APOB: variants seen among roughly 807,000 people sequenced by gnomAD.
APOB encodes apolipoprotein B.
APOB carries 153 observed loss-of-function variants against 314.1 expected under a neutral mutation model. That is an observed-to-expected ratio of 0.49 (90% CI 0.43 to 0.56). The LOEUF is 0.56. APOB is among the 20% of genes least tolerant of loss of function. APOB has a pLI of 0.00. For synonymous variants in APOB, 2,087 were observed against 2,036.4 expected (o/e 1.02, Z -0.67); for missense variants, 5,430 against 5,350.7 (o/e 1.01, Z -0.46).
intron 10 of APOB, 65 bp from the exon 11 acceptor site, chr2:21,030,080 C>T (rs778360196): frequency 1.5e-5 from 15 of 972,630 alleles, no homozygotes; most frequent in Non-Finnish European, 2.3e-5. Flanking sequence ...AAAACCCAAA[C>T]TTGTGAATTA....
chr2:21,024,984 C>A lies in APOB; in HGVS notation c.2385G>T (p.Leu795=). Reference sequence around the variant, plus strand: ...GGGCACCCATCAGAAGCAGCTTTCCCAGGAGCTGGAGGTCATGGAGACTGG... The same window carrying A: ...GGGCACCCATCAGAAGCAGCTTTCCAAGGAGCTGGAGGTCATGGAGACTGG... ...GFASLHDLQL[L]GKLLLMGART... Residue 795 remains leucine (L), a synonymous_variant, in exon 16 of 29, where the codon CTG becomes CTT. Coordinates refer to ENST00000233242, the MANE Select transcript of APOB (RefSeq NM_000384.3). 2.5e-6 allele frequency: 4 copies of A among 1,614,176 alleles called. No individual in the cohort carries two copies. Among genetic ancestry groups the A allele is most frequent in the Non-Finnish European group, 3.4e-6 (4 of 1,180,032 alleles).
At chr2:21,027,560 G>T (rs773904764) in intron 14 of APOB, among the ~76,000 whole-genome samples, 1 of 151,992 alleles carries the variant, frequency 6.6e-6, no homozygotes, top group Non-Finnish European at 1.5e-5. Context: ...TGATCCACCC[G>T]CCTCGGCCTC....
intron 25 of APOB, 147 bp downstream of exon 25, chr2:21,013,013 C>A (rs1663369692): frequency 1.1e-6 from 1 of 949,236 alleles, no homozygotes; most frequent in Admixed American, 2.4e-5. Context: ...ATAAATATTT[C>A]TATTTGTTGA....
rs780537483 is a variant in APOB, at chr2:21,022,972, G to A, written c.2675C>T (p.Pro892Leu). 56 of 1,614,036 alleles carry A rather than the reference G, an allele frequency of 3.5e-5. No individual in the cohort carries two copies. The highest frequency in any genetic ancestry group is 1.0e-4 in the Admixed American group (6 of 59,992). The part of the protein sequence containing the change: ...EFVTNMGIII[P>L]DFARSGVQMN... ...CTGGACCCCACTCCTAGCGAAGTCC[G>A]GAATGATGATGCCCATATTTGTCAC... The change falls in exon 18 of 29, where the codon CCG becomes CTG. Residue 892 changes from proline to leucine, a missense_variant. This residue lies in a region of APOB where 2,085 missense variants were observed against 2,079.7 expected (regional missense o/e 1.00). Coordinates refer to ENST00000233242, the MANE Select transcript of APOB (RefSeq NM_000384.3).
At chr2:21,022,003 T>C (rs1663617952) in intron 18 of APOB, among the ~76,000 whole-genome samples, 1 of 152,224 alleles carries the variant, frequency 6.6e-6, no homozygotes, top group Non-Finnish European at 1.5e-5. Context: ...TCTCCCAGGC[T>C]GGAGTGCAGT....
rs1060499841 is a variant in APOB at position 21,043,910 on chromosome 2, CA to C, written c.35del (p.Leu12ArgfsTer81). 3 of 682,770 alleles carry C rather than the reference CA, an allele frequency of 4.4e-6. No homozygotes were observed. The highest frequency in any genetic ancestry group is 4.1e-6 in the Non-Finnish European group (2 of 487,742). The allele number at this position is 682,770 out of a possible 1,614,324, so 42.3% of individuals were successfully genotyped here. A position where few individuals can be genotyped will look rare whatever the true frequency, so the allele number is the denominator to read the frequency against. ...GCAGCAGCAGCAGCGCAGGCAGCGCCAGCAGCGCCAGCAGCGCGGGCCTCGG... is the reference window on the plus strand; with the variant it reads ...GCAGCAGCAGCAGCGCAGGCAGCGCCGCAGCGCCAGCAGCGCGGGCCTCGG... ...DPPRPALLAL[L>X]ALPALLLLLL... On this transcript the variant is annotated frameshift_variant, in exon 1 of 29. Coordinates refer to ENST00000233242, the MANE Select transcript of APOB (RefSeq NM_000384.3). LOFTEE classifies it high-confidence loss of function.
chr2:21,010,107 G>C lies in APOB; in HGVS notation c.6761C>G (p.Thr2254Ser). 1 of 1,612,600 alleles carries C rather than the reference G, an allele frequency of 6.2e-7. No homozygotes were observed. Among genetic ancestry groups the C allele is most frequent in the Non-Finnish European group, 8.5e-7 (1 of 1,179,440 alleles). Residue 2254 changes from threonine to serine, a missense_variant, in exon 26 of 29, where the codon ACT becomes AGT. Thr to Ser is a moderately conservative substitution (Grantham distance 58). This residue lies in a region of APOB where 3,281 missense variants were observed against 3,171.0 expected (regional missense o/e 1.03). Transcript: ENST00000233242. ...TATCTGGATTCTGATTTGGTACTTAGTATCCACATTTTGAATCCAGGATGC... is the reference window on the plus strand; with the variant it reads ...TATCTGGATTCTGATTTGGTACTTACTATCCACATTTTGAATCCAGGATGC... ...STASWIQNVD[T>S]KYQIRIQIQE... is the part of the protein sequence containing the mutation.
intron 1 of APOB, 22 bp downstream of exon 1, chr2:21,043,842 C>A (rs755979791): frequency 2.1e-5 from 32 of 1,530,240 alleles, no homozygotes; most frequent in Non-Finnish European, 2.5e-5. Context: ...CCTCTGCGCC[C>A]GCAGAGCGGC....
intron 17 of APOB, 138 bp downstream of exon 17, chr2:21,023,387 T>C: frequency 3.8e-6 from 4 of 1,060,102 alleles, no homozygotes; most frequent in South Asian, 1.4e-5. Flanking sequence ...AAGTTTTTCA[T>C]AAAAAAATAA....
Position 21,012,658 on chromosome 2 carries a change from TA to T in APOB, c.4217-8del. The T allele has an allele frequency of 6.2e-7, 1 of 1,609,744 alleles. No individual in the cohort carries two copies. Among genetic ancestry groups the T allele is most frequent in the Non-Finnish European group, 8.5e-7 (1 of 1,179,360 alleles). ...TATGTTGTTTCTCCAGATCCTAACA[TA>T]AAAATGAAAAGACATTGGTTAAATT... is the stretch of plus-strand genomic sequence containing the variant. On this transcript the variant is annotated splice_polypyrimidine_tract_variant and splice_region_variant and intron_variant, in intron 25 of 28. Transcript: ENST00000233242.
At position 21,008,036 on chromosome 2, in the gene APOB, T is replaced by C. The variant is rs757308556; in HGVS notation, c.8832A>G (p.Ser2944=). 2.5e-6 allele frequency: 4 copies of C among 1,614,030 alleles called. No homozygotes were observed. Among genetic ancestry groups the C allele is most frequent in the East Asian group, 2.2e-5 (1 of 44,896 alleles). ...GTCCTTCTATGGTGAAACTAATTTG[T>C]GATTCATGTGTTCCCTCATCTGAGA... ...PRFSDEGTHE[S]QISFTIEGPL... The change falls in exon 26 of 29, where the codon TCA becomes TCG. Residue 2944 remains serine (S), a synonymous_variant. Coordinates refer to ENST00000233242, the MANE Select transcript of APOB (RefSeq NM_000384.3).
chr2:21,013,300 G>A lies in APOB; in HGVS notation c.4076C>T (p.Ser1359Phe). The A allele has an allele frequency of 6.2e-7, 1 of 1,614,178 alleles. No individual in the cohort carries two copies. The highest frequency in any genetic ancestry group is 8.5e-7 in the Non-Finnish European group (1 of 1,180,042). The stretch of plus-strand genomic sequence containing the variant: ...GTACAAGTTGCTGTAGACATTCGTG[G>A]AGAGGTCTAGAACACCCAGGAGAGG... Reference protein sequence around the residue: ...QVPLLGVLDLSTNVYSNLYNW... With the variant: ...QVPLLGVLDLFTNVYSNLYNW... Residue 1359 changes from serine (S) to phenylalanine (F), a missense_variant, in exon 25 of 29, where the codon TCC (serine) becomes TTC (phenylalanine). Physicochemically the swap from Ser to Phe is radical, Grantham distance 155 (BLOSUM62 -2). This residue lies in a region of APOB where 2,085 missense variants were observed against 2,079.7 expected (regional missense o/e 1.00). Transcript: ENST00000233242.
intron 13 of APOB, 40 bp downstream of exon 13, chr2:21,028,287 G>A (rs752989356): frequency 1.3e-6 from 2 of 1,538,004 alleles, no homozygotes; most frequent in Non-Finnish European, 1.8e-6. Flanking sequence ...TTCCAGCTCA[G>A]GGCCCTCAGT....
Position 21,007,051 on chromosome 2 carries a change from C to T in APOB, c.9817G>A (p.Val3273Met). The T allele has an allele frequency of 6.2e-7, 1 of 1,614,054 alleles. No individual in the cohort carries two copies. The highest frequency in any genetic ancestry group is 8.5e-7 in the Non-Finnish European group (1 of 1,179,950). ...FTIEMSAFGY[V>M]FPKAVSMPSF... ...GGCATGCTGACTGCTTTTGGGAACA[C>T]ATAGCCGAATGCCGACATCTCTATG... The change falls in exon 26 of 29, where the codon GTG becomes ATG. Residue 3273 changes from valine (V) to methionine (M), a missense_variant. Physicochemically the swap from Val to Met is conservative, Grantham distance 21. Coordinates refer to ENST00000233242, the MANE Select transcript of APOB (RefSeq NM_000384.3).
chr2:21,026,917 A>T lies in APOB; in HGVS notation c.2115T>A (p.Phe705Leu), dbSNP rs747520197. The change falls in exon 15 of 29, where the codon TTT becomes TTA. Residue 705 changes from phenylalanine (F) to leucine (L), a missense_variant. Transcript: ENST00000233242. ...TGTCTGGGAAAAATCCTTGCTTCCC[A>T]AAAAGAGCTTCCAATGTTGGCTCAA... Reference protein sequence around the residue: ...KGFEPTLEALFGKQGFFPDSV... With the variant: ...KGFEPTLEALLGKQGFFPDSV... 1 of 1,614,078 alleles carries T rather than the reference A, an allele frequency of 6.2e-7. No homozygotes were observed.
chr2:21,013,434 C>T lies in APOB; in HGVS notation c.3942G>A (p.Glu1314=), dbSNP rs1246614537. Reference sequence around the variant, plus strand: ...AGTGGAGGGCTGGTGTCCTAACAGTCTCTAACATCTTTAGATCTCTGGAGG... The same window carrying T: ...AGTGGAGGGCTGGTGTCCTAACAGTTTCTAACATCTTTAGATCTCTGGAGG... ...GKSSRDLKML[E]TVRTPALHFK... The change falls in exon 25 of 29, where the codon GAG becomes GAA. Residue 1314 remains glutamate, a synonymous_variant. Coordinates refer to ENST00000233242, the MANE Select transcript of APOB (RefSeq NM_000384.3). 6.2e-7 allele frequency: 1 copy of T among 1,614,104 alleles called. No homozygotes were observed. The highest frequency in any genetic ancestry group is 1.7e-5 in the Admixed American group (1 of 60,010).
chr2:21,016,982 T>TAAA (rs1663489818), intron 20 of APOB, among the ~76,000 whole-genome samples: 2 of 93,296 alleles, frequency 2.1e-5, no homozygotes, highest in Admixed American at 2.4e-4. Flanking sequence ...AGACTCCATC[T>TAAA]CAAAAAATAA....
chr2:21,029,514 AGG>A lies in APOB; in HGVS notation c.1617+123_1617+124del. The A allele has an allele frequency of 7.4e-6, 8 of 1,079,122 alleles. No homozygotes were observed. The South Asian group carries it at 1.0e-4, about 14-fold the overall frequency. 66.8% of individuals were successfully genotyped at this position (1,079,122 alleles called of 1,614,324 possible). A position where few individuals can be genotyped will look rare whatever the true frequency, so the allele number is the denominator to read the frequency against. The stretch of plus-strand genomic sequence containing the variant: ...GAGGGAGGAAGGAAGGAAGGAAGGA[AGG>A]AAGGAAAGGAAAGAAACAGCAGAAT... On this transcript the variant is annotated intron_variant, in intron 12 of 28. Transcript: ENST00000233242.
At position 21,001,862 on chromosome 2, in the gene APOB, C is replaced by A; in HGVS notation, c.13560G>T (p.Leu4520Phe). The change falls in exon 29 of 29, where the codon TTG becomes TTT. Residue 4520 changes from leucine to phenylalanine, a missense_variant. By Grantham distance (22) the Leu-to-Phe change is conservative (BLOSUM62 0). Coordinates refer to ENST00000233242, the MANE Select transcript of APOB (RefSeq NM_000384.3). ...GGTAGTTTTGAATGGACAGGTCAAT[C>A]AATCTTTTGGATTCAGCAATAAATT... Reference protein sequence around the residue: ...YEKFIAESKRLIDLSIQNYHT... With the variant: ...YEKFIAESKRFIDLSIQNYHT... 2 of 1,614,010 alleles carry A rather than the reference C, an allele frequency of 1.2e-6. No individual in the cohort carries two copies. The highest frequency in any genetic ancestry group is 1.7e-6 in the Non-Finnish European group (2 of 1,179,956).
Sources: gnomAD v4.1 joint callset for allele counts (sites outside exome capture counted in the v4.1 genomes callset) on GRCh38, gnomAD v4.1.1 for gene constraint, gnomAD v4.1.1 regional missense constraint, MANE v1.5 for transcripts, NCBI Gene and HGNC (gene_info 2026-07-23, HGNC 2026-07-21) for gene names.